SIK2: variants seen among roughly 807,000 people sequenced by gnomAD.
The protein encoded by SIK2 is serine/threonine-protein kinase SIK2.
A neutral mutation model predicts 103.2 loss-of-function variants in SIK2; 29 were observed. The ratio of observed to expected loss-of-function variants is 0.28; its 90% CI spans 0.21 to 0.38. SIK2 has a LOEUF of 0.38. SIK2 is among the 10% of genes least tolerant of loss of function. The probability of loss-of-function intolerance (pLI) is 1.00; values close to 1 mark genes in which losing one functional copy is unlikely to be tolerated. For missense variants in SIK2, 879 were observed against 1,171.0 expected, an observed-to-expected ratio of 0.75 and a Z score of 3.64; for synonymous variants, 412 against 446.1, an observed-to-expected ratio of 0.92 and a Z score of 0.96.
At position 111,712,313 on chromosome 11, in the gene SIK2, C is replaced by T. The variant is rs139007229; in HGVS notation, c.1204C>T (p.Pro402Ser). ...QASNVEAFSF[P>S]ASGCQAEAAF... The stretch of plus-strand genomic sequence containing the variant: ...ATCCAACGTGGAGGCCTTTTCATTT[C>T]CAGCATCTGGCTGTCAGGCGGAAGC... Residue 402 changes from proline (P) to serine (S), a missense_variant, in exon 9 of 15, where the codon CCA becomes TCA. Around this residue, in one of 7 missense-constraint regions of SIK2, gnomAD observed 222 missense variants for 258.0 expected, o/e 0.86. Coordinates refer to ENST00000304987, the MANE Select transcript of SIK2 (RefSeq NM_015191.3). 1 of 1,614,078 alleles carries T rather than the reference C, an allele frequency of 6.2e-7. No homozygotes were observed. The highest frequency in any genetic ancestry group is 1.3e-5 in the African/African-American group (1 of 74,922).
chr11:111,628,296 A>G (rs1474525592), intron 3 of SIK2, among the ~76,000 whole-genome samples: 1 of 152,116 alleles, frequency 6.6e-6, no homozygotes, highest in Non-Finnish European at 1.5e-5. Flanking sequence ...AAAGTTAAAC[A>G]TTTACTAGTA....
chr11:111,712,780 C>T (rs540515920), intron 9 of SIK2, among the ~76,000 whole-genome samples: 1 of 152,302 alleles, frequency 6.6e-6, no homozygotes, highest in African/African-American at 2.4e-5. Flanking sequence ...TATTGCTGCT[C>T]TTCTGCATAG....
rs55822420 is a variant in SIK2 at position 111,674,071 on chromosome 11, TAA to T, written c.317-13919_317-13918del. 1.2e-3 allele frequency among the ~76,000 whole-genome samples: 162 copies of T among 136,522 alleles called. 1 individual carries two copies. Among genetic ancestry groups the T allele is most frequent in the South Asian group, 0.01 (43 of 4,196 alleles). The allele number at this position is 136,522 out of a possible 152,430, so 89.6% of individuals were successfully genotyped here. A position where few individuals can be genotyped will look rare whatever the true frequency, so the allele number is the denominator to read the frequency against. On this transcript the variant is annotated intron_variant, in intron 3 of 14. Transcript: ENST00000304987. ...ACTGGGCGACAGAGCAAGACTCCATTAAAAAAAAAAAAGAAAAAAAGAAAAAA... is the reference window on the plus strand; with the variant it reads ...ACTGGGCGACAGAGCAAGACTCCATTAAAAAAAAAAGAAAAAAAGAAAAAA...
In SIK2 at chr11:111,725,821, G is replaced by T. The variant is rs1220293802; in HGVS notation, c.*1692G>T. 6.6e-6 allele frequency: 1 copy of T among 152,594 alleles called. No individual in the cohort carries two copies. Among genetic ancestry groups the T allele is most frequent in the Non-Finnish European group, 1.5e-5 (1 of 68,040 alleles). 9.5% of individuals were successfully genotyped at this position (152,594 alleles called of 1,614,324 possible). ...CAGTCCCTGTTGCTGGCCAGAGACTGCCTGGTCGCCAGCGCTCACCATGGG... is the reference window on the plus strand; with the variant it reads ...CAGTCCCTGTTGCTGGCCAGAGACTTCCTGGTCGCCAGCGCTCACCATGGG... On this transcript the variant is annotated 3_prime_UTR_variant, in exon 15 of 15. Transcript: ENST00000304987.
At chr11:111,637,279 ACT>A (rs1175333476) in intron 3 of SIK2, among the ~76,000 whole-genome samples, 4 of 151,022 alleles carry the variant, frequency 2.6e-5, no homozygotes, top group Admixed American at 6.6e-5. Context: ...TTAAAATAAC[ACT>A]CTTTTTTCAA....
rs1942870082 is a variant in SIK2 at position 111,688,004 on chromosome 11, A to C, written c.320A>C (p.Tyr107Ser). The C allele has an allele frequency of 6.2e-7, 1 of 1,613,950 alleles. No homozygotes were observed. The highest frequency in any genetic ancestry group is 8.5e-7 in the Non-Finnish European group (1 of 1,180,010). ...TTAATCCTCTCTTCATTTACAGACT[A>C]TCTTGCTAATCATGGCCGGTTAAAT... is the stretch of plus-strand genomic sequence containing the variant. ...EYAKNGEIFD[Y>S]LANHGRLNES... is the part of the protein sequence containing the mutation. The change falls in exon 4 of 15, where the codon TAT becomes TCT. Residue 107 changes from tyrosine (Y) to serine (S), a missense_variant. Tyr to Ser is a moderately radical substitution (Grantham distance 144). Coordinates refer to ENST00000304987, the MANE Select transcript of SIK2 (RefSeq NM_015191.3). This position sits in a 1 kb window ranked among gnomAD's most constrained non-coding sequence, Gnocchi z 4.2.
chr11:111,663,217 A>G (rs1942490315), intron 3 of SIK2, among the ~76,000 whole-genome samples: 2 of 142,910 alleles, frequency 1.4e-5, no homozygotes, highest in Non-Finnish European at 3.1e-5. Flanking sequence ...TGGGCAACAG[A>G]GTGAGACCCT....
chr11:111,721,795 G>A (rs1200708847), intron 12 of SIK2, 35 bp from the exon 13 acceptor site: 2 of 1,543,440 alleles, frequency 1.3e-6, no homozygotes, highest in Non-Finnish European at 1.8e-6. Context: ...TCCCCATGGG[G>A]AATTGAAAAT....
chr11:111,637,581 T>G (rs1942126881), intron 3 of SIK2, among the ~76,000 whole-genome samples: 1 of 148,816 alleles, frequency 6.7e-6, no homozygotes, highest in South Asian at 2.2e-4. Flanking sequence ...TGCCTCAGCC[T>G]CCCCAGTAGC....
At chr11:111,613,995 A>C (rs516263) in intron 1 of SIK2, among the ~76,000 whole-genome samples, 90,134 of 151,528 alleles carry the variant, frequency 0.59, 29,945 homozygotes, top group East Asian at 0.96. Context: ...GAAGAAAAAC[A>C]TTACATTTGA....
chr11:111,723,736 G>T lies in SIK2; in HGVS notation c.2388G>T (p.Glu796Asp), dbSNP rs1271059742. 6.2e-7 allele frequency: 1 copy of T among 1,614,014 alleles called. No homozygotes were observed. The highest frequency in any genetic ancestry group is 8.5e-7 in the Non-Finnish European group (1 of 1,180,054). ...GCCCTTTCCTCAGCCAGTACCAAGA[G>T]ATGCAGCTTCAGCCCCTGCCCTCCA... ...QYSPFLSQYQ[E>D]MQLQPLPSTS... Residue 796 changes from glutamate (E) to aspartate (D), a missense_variant, in exon 15 of 15, where the codon GAG (glutamate) becomes GAT (aspartate). Glu to Asp is a conservative substitution (Grantham distance 45). Transcript: ENST00000304987.
Position 111,701,341 on chromosome 11 carries a change from A to G in SIK2, c.604-111A>G. On this transcript the variant is annotated intron_variant, in intron 5 of 14. Coordinates refer to ENST00000304987, the MANE Select transcript of SIK2 (RefSeq NM_015191.3). This position sits in a 1 kb window ranked among gnomAD's most constrained non-coding sequence, Gnocchi z 4.2. ...CAAATTCTGAGAAAATAATAAATCCAGACAGGAATTTTTCAGTCCATATGA... is the reference window on the plus strand; with the variant it reads ...CAAATTCTGAGAAAATAATAAATCCGGACAGGAATTTTTCAGTCCATATGA... 1 of 1,369,180 alleles carries G rather than the reference A, an allele frequency of 7.3e-7. No individual in the cohort carries two copies. The highest frequency in any genetic ancestry group is 2.4e-5 in the Admixed American group (1 of 40,990). 84.8% of individuals were successfully genotyped at this position (1,369,180 alleles called of 1,614,324 possible). A position where few individuals can be genotyped will look rare whatever the true frequency, so the allele number is the denominator to read the frequency against.
At chr11:111,686,658 T>C (rs982106900) in intron 3 of SIK2, among the ~76,000 whole-genome samples, 3 of 152,176 alleles carry the variant, frequency 2.0e-5, no homozygotes, top group Non-Finnish European at 4.4e-5. Context: ...TCAGAGGACT[T>C]TCAGGTCTTT....
chr11:111,698,606 G>A (rs1943135266), intron 4 of SIK2, among the ~76,000 whole-genome samples: 1 of 152,202 alleles, frequency 6.6e-6, no homozygotes, highest in African/African-American at 2.4e-5. Flanking sequence ...GCCTGGTGTG[G>A]TGGAGCACAC....
intron 1 of SIK2, among the ~76,000 whole-genome samples, chr11:111,603,997 C>T (rs940541186): frequency 6.6e-6 from 1 of 152,230 alleles, no homozygotes; most frequent in Non-Finnish European, 1.5e-5. Context: ...GTCATTCTGT[C>T]TTCTTTACTT....
chr11:111,678,777 GA>G (rs949980367), intron 3 of SIK2, among the ~76,000 whole-genome samples: 45 of 151,676 alleles, frequency 3.0e-4, no homozygotes, highest in Middle Eastern at 6.8e-3. Flanking sequence ...TACGTGACAG[GA>G]AAAAAAAATT....
At chr11:111,692,319 C>A (rs956403867) in intron 4 of SIK2, among the ~76,000 whole-genome samples, 2 of 121,434 alleles carry the variant, frequency 1.6e-5, no homozygotes, top group Non-Finnish European at 3.2e-5. Flanking sequence ...CCACTGCACT[C>A]CAGCCTAGGC....
chr11:111,709,637 T>G (rs939015868), intron 8 of SIK2, among the ~76,000 whole-genome samples: 3 of 152,236 alleles, frequency 2.0e-5, no homozygotes, highest in Non-Finnish European at 4.4e-5. Flanking sequence ...ATTTATTTAA[T>G]ATTTGCTAAT....
chr11:111,647,184 G>A (rs487985), intron 3 of SIK2, among the ~76,000 whole-genome samples: 92,007 of 151,904 alleles, frequency 0.61, 31,117 homozygotes, highest in East Asian at 0.96. Flanking sequence ...TTGTTGATGG[G>A]CATTTAGATT....
Sources: allele counts gnomAD v4.1 joint callset (sites outside exome capture counted in the v4.1 genomes callset), GRCh38; gene constraint gnomAD v4.1.1; regional missense constraint gnomAD v4.1.1; non-coding constraint Gnocchi (gnomAD v3.1); transcripts MANE v1.5; gene names NCBI Gene and HGNC (gene_info 2026-07-23, HGNC 2026-07-21).